Variants in MRC2 observed in about 807,000 individuals in gnomAD.
MRC2 encodes mannose receptor C-type 2.
MRC2 carries 84 observed loss-of-function variants against 206.2 expected under a neutral mutation model. That is an observed-to-expected ratio of 0.41 (90% CI 0.34 to 0.49). The LOEUF (loss-of-function observed/expected upper bound fraction) is 0.49, where lower values mean the gene tolerates loss of function less well. Ranked by LOEUF, MRC2 falls within the 20% of genes least tolerant of loss-of-function variation. The pLI is 0.31. For missense variants in MRC2, 1,676 were observed against 2,001.5 expected, an observed-to-expected ratio of 0.84 and a Z score of 3.10; for synonymous variants, 798 against 800.0, an observed-to-expected ratio of 1.00 and a Z score of 0.04.
In MRC2 at chr17:62,671,593, T is replaced by C. The variant is rs945541074; in HGVS notation, c.1118-56T>C. On this transcript the variant is annotated intron_variant, in intron 6 of 29. Transcript: ENST00000303375. The surrounding 1 kb of genome is among the most constrained non-coding windows in gnomAD (Gnocchi z 4.5). ...CTGTGTTGACGTCAACCCAGTGGGT[T>C]GGTTCCCAGACTGGGCGGCTCAGTC... 1 of 1,487,742 alleles carries C rather than the reference T, an allele frequency of 6.7e-7. No individual in the cohort carries two copies. Among genetic ancestry groups the C allele is most frequent in the African/African-American group, 1.4e-5 (1 of 71,344 alleles). 92.2% of individuals were successfully genotyped at this position (1,487,742 alleles called of 1,614,324 possible).
At chr17:62,654,691 G>A (rs113268010) in intron 1 of MRC2, among the ~76,000 whole-genome samples, 1 of 152,192 alleles carries the variant, frequency 6.6e-6, no homozygotes, top group African/African-American at 2.4e-5. Context: ...CAGACAGGAC[G>A]GGAGAGGAGG....
chr17:62,635,234 G>C (rs2088299454), intron 1 of MRC2, among the ~76,000 whole-genome samples: 1 of 137,896 alleles, frequency 7.3e-6, no homozygotes, highest in South Asian at 2.2e-4. Flanking sequence ...TCAATCAGAG[G>C]CATTACTTCT....
Position 62,666,297 on chromosome 17 carries a change from G to T in MRC2, c.694+30G>T, listed in dbSNP as rs770065736. ...GAGCTGTTGGAGCCGTGGGGGCGGG[G>T]GCAGTGTTCCTGGAGGGAGGCTGGT... is the stretch of plus-strand genomic sequence containing the variant. On this transcript the variant is annotated intron_variant, in intron 3 of 29. Coordinates refer to ENST00000303375, the MANE Select transcript of MRC2 (RefSeq NM_006039.5). The surrounding 1 kb of genome is among the most constrained non-coding windows in gnomAD (Gnocchi z 5.0). The T allele has an allele frequency of 1.3e-6, 2 of 1,557,608 alleles. No homozygotes were observed. The highest frequency in any genetic ancestry group is 2.3e-5 in the East Asian group (1 of 44,276).
intron 13 of MRC2, 106 bp downstream of exon 13, chr17:62,678,752 A>G: frequency 1.3e-6 from 2 of 1,509,168 alleles, no homozygotes; most frequent in Non-Finnish European, 1.8e-6. Flanking sequence ...GGATGGCAGA[A>G]TGTGGGTGAC....
chr17:62,692,633 G>GGCTGAGACCC lies in MRC2; in HGVS notation c.*183_*184insCTGAGACCCG. 1.6e-6 allele frequency: 1 copy of GGCTGAGACCC among 638,912 alleles called. No individual in the cohort carries two copies. Among genetic ancestry groups the GGCTGAGACCC allele is most frequent in the Non-Finnish European group, 2.7e-6 (1 of 373,466 alleles). 39.6% of individuals were successfully genotyped at this position (638,912 alleles called of 1,614,324 possible). A position where few individuals can be genotyped will look rare whatever the true frequency, so the allele number is the denominator to read the frequency against. ...GGGGTGCCACCCTCCCACAAGGGCTGGGCTGAGACCCAGCTGAGTGCAGCG... is the reference window on the plus strand; with the variant it reads ...GGGGTGCCACCCTCCCACAAGGGCTGGCTGAGACCCGGCTGAGACCCAGCTGAGTGCAGCG... On this transcript the variant is annotated 3_prime_UTR_variant, in exon 30 of 30. Coordinates refer to ENST00000303375, the MANE Select transcript of MRC2 (RefSeq NM_006039.5). This position sits in a 1 kb window ranked among gnomAD's most constrained non-coding sequence, Gnocchi z 4.2.
intron 11 of MRC2, among the ~76,000 whole-genome samples, chr17:62,677,040 G>A (rs979876997): frequency 3.9e-5 from 6 of 152,212 alleles, no homozygotes; most frequent in African/African-American, 7.2e-5. Flanking sequence ...AAGCAGGCTC[G>A]GTGAGGTTAA....
At position 62,675,946 on chromosome 17, in the gene MRC2, T is replaced by A; in HGVS notation, c.1685+41T>A. On this transcript the variant is annotated intron_variant, in intron 10 of 29. Coordinates refer to ENST00000303375, the MANE Select transcript of MRC2 (RefSeq NM_006039.5). This position sits in a 1 kb window ranked among gnomAD's most constrained non-coding sequence, Gnocchi z 4.1. ...GTGCCCTGACTAGCCCTTGCCCATGTCTGGGCCTATTGTGGTCCCTTCAGC... is the reference window on the plus strand; with the variant it reads ...GTGCCCTGACTAGCCCTTGCCCATGACTGGGCCTATTGTGGTCCCTTCAGC... 1 of 1,540,024 alleles carries A rather than the reference T, an allele frequency of 6.5e-7. No homozygotes were observed. The highest frequency in any genetic ancestry group is 9.0e-7 in the Non-Finnish European group (1 of 1,113,554).
At chr17:62,647,239 A>G (rs1179077003) in intron 1 of MRC2, among the ~76,000 whole-genome samples, 4 of 145,408 alleles carry the variant, frequency 2.8e-5, no homozygotes, top group Admixed American at 7.0e-5. Flanking sequence ...GCTGGAGTAC[A>G]GTGGCATGAT....
Position 62,661,894 on chromosome 17 carries a change from T to C in MRC2, c.119-2654T>C, listed in dbSNP as rs190128935. 3.9e-5 allele frequency among the ~76,000 whole-genome samples: 6 copies of C among 152,360 alleles called. No individual in the cohort carries two copies. The East Asian group carries it at 7.7e-4, about 20-fold the overall frequency. Reference sequence around the variant, plus strand: ...CTATTGAATTCATCAGTGTTGTCTATGACCTTCAACATTCCAATAATATTT... The same window carrying C: ...CTATTGAATTCATCAGTGTTGTCTACGACCTTCAACATTCCAATAATATTT... On this transcript the variant is annotated intron_variant, in intron 1 of 29. Coordinates refer to ENST00000303375, the MANE Select transcript of MRC2 (RefSeq NM_006039.5).
intron 1 of MRC2, among the ~76,000 whole-genome samples, chr17:62,648,434 C>T (rs1379015294): frequency 6.6e-6 from 1 of 152,248 alleles, no homozygotes; most frequent in Non-Finnish European, 1.5e-5. Flanking sequence ...GCTGCCCCAC[C>T]TCTTTCCACA....
chr17:62,685,892 C>T lies in MRC2; in HGVS notation c.2947-2397C>T, dbSNP rs140467745. 2.4e-3 allele frequency among the ~76,000 whole-genome samples: 358 copies of T among 152,258 alleles called. 2 individuals carry two copies. Among genetic ancestry groups the T allele is most frequent in the Non-Finnish European group, 4.3e-3 (292 of 68,022 alleles). ...GGGTGTTCACTCCTTCACTGCCTGC[C>T]CTCACACATCTTGCTTTACTAGTTC... On this transcript the variant is annotated intron_variant, in intron 20 of 29. Coordinates refer to ENST00000303375, the MANE Select transcript of MRC2 (RefSeq NM_006039.5).
At position 62,667,232 on chromosome 17, in the gene MRC2, C is replaced by A. The variant is rs925511250; in HGVS notation, c.974-158C>A. 6.6e-6 allele frequency among the ~76,000 whole-genome samples: 1 copy of A among 152,154 alleles called. No individual in the cohort carries two copies. The highest frequency in any genetic ancestry group is 1.5e-5 in the Non-Finnish European group (1 of 68,020). ...CCCAGGTTAGAAAGCGCGGAGGACC[C>A]CGTGGTCTGGGGCGGAGCTGGAGCT... On this transcript the variant is annotated intron_variant, in intron 5 of 29. Coordinates refer to ENST00000303375, the MANE Select transcript of MRC2 (RefSeq NM_006039.5). This position sits in a 1 kb window ranked among gnomAD's most constrained non-coding sequence, Gnocchi z 4.1.
At chr17:62,659,688 C>T (rs1291024607) in intron 1 of MRC2, among the ~76,000 whole-genome samples, 1 of 152,172 alleles carries the variant, frequency 6.6e-6, no homozygotes, top group Non-Finnish European at 1.5e-5. Flanking sequence ...AGGAAGCTCA[C>T]TTTGTCCTGC....
At chr17:62,645,551 T>TG in intron 1 of MRC2, among the ~76,000 whole-genome samples, 1 of 117,474 alleles carries the variant, frequency 8.5e-6, no homozygotes, top group South Asian at 2.8e-4. Context: ...TTTTTTTTTT[T>TG]GAGATGGAGT....
chr17:62,629,555 A>G (rs1487533595), intron 1 of MRC2, among the ~76,000 whole-genome samples: 1 of 152,174 alleles, frequency 6.6e-6, no homozygotes, highest in African/African-American at 2.4e-5. Flanking sequence ...GGTGGCAGGC[A>G]GTGTGAGGTC....
At chr17:62,674,014 A>G in intron 8 of MRC2, 49 bp from the exon 9 acceptor site, 2 of 1,401,296 alleles carry the variant, frequency 1.4e-6, no homozygotes, top group Non-Finnish European at 2.0e-6. Context: ...GATTTGGGAG[A>G]TTTATGGGGA....
chr17:62,655,490 C>T (rs1425002887), intron 1 of MRC2, among the ~76,000 whole-genome samples: 27 of 150,126 alleles, frequency 1.8e-4, no homozygotes, highest in Non-Finnish European at 3.6e-4. Context: ...TGCAGTGAGC[C>T]GAGATCGCGC....
At chr17:62,643,812 G>A (rs936046377) in intron 1 of MRC2, among the ~76,000 whole-genome samples, 10 of 152,022 alleles carry the variant, frequency 6.6e-5, no homozygotes, top group African/African-American at 2.4e-4. Flanking sequence ...AATGAAACGT[G>A]ATATTATATC....
Position 62,680,581 on chromosome 17 carries a change from T to C in MRC2, c.2473+128T>C. Reference sequence around the variant, plus strand: ...TCCGGTCGAGAGAAGGGGGACGGGGTTGGCTCGGACGGAGGCAGCCACAGC... The same window carrying C: ...TCCGGTCGAGAGAAGGGGGACGGGGCTGGCTCGGACGGAGGCAGCCACAGC... On this transcript the variant is annotated intron_variant, in intron 16 of 29. Coordinates refer to ENST00000303375, the MANE Select transcript of MRC2 (RefSeq NM_006039.5). This position sits in a 1 kb window ranked among gnomAD's most constrained non-coding sequence, Gnocchi z 4.8. The C allele has an allele frequency of 7.1e-7, 1 of 1,414,482 alleles. No homozygotes were observed. Among genetic ancestry groups the C allele is most frequent in the Non-Finnish European group, 9.7e-7 (1 of 1,028,974 alleles). The allele number at this position is 1,414,482 out of a possible 1,614,324, so 87.6% of individuals were successfully genotyped here. A position where few individuals can be genotyped will look rare whatever the true frequency, so the allele number is the denominator to read the frequency against.
Sources: allele counts gnomAD v4.1 joint callset (sites outside exome capture counted in the v4.1 genomes callset), GRCh38; gene constraint gnomAD v4.1.1; non-coding constraint Gnocchi (gnomAD v3.1); transcripts MANE v1.5; gene names NCBI Gene and HGNC (gene_info 2026-07-23, HGNC 2026-07-21).